The following CACNA1B variants were observed in gnomAD, a reference collection of about 807,000 sequenced individuals.
CACNA1B encodes the protein calcium voltage-gated channel subunit alpha1 B.
CACNA1B carries 70 observed loss-of-function variants against 247.2 expected under a neutral mutation model. That is an observed-to-expected ratio of 0.28 (90% CI 0.23 to 0.35). CACNA1B has a LOEUF of 0.35. CACNA1B is among the 10% of genes least tolerant of loss of function. The pLI, the probability that CACNA1B is intolerant of heterozygous loss-of-function variation, is 1.00. For synonymous variants in CACNA1B, 1,231 were observed against 1,294.4 expected (o/e 0.95, Z 1.05); for missense variants, 2,367 against 3,197.4 (o/e 0.74, Z 6.26).
Position 138,050,745 on chromosome 9 carries a change from C to T in CACNA1B, c.3711-1347C>T, listed in dbSNP as rs548571675. Among the ~76,000 whole-genome samples the T allele has an allele frequency of 2.0e-5, 3 of 152,246 alleles. No individual in the cohort carries two copies. The East Asian group carries it at 5.8e-4, about 29-fold the overall frequency. The stretch of plus-strand genomic sequence containing the variant: ...AAACAGTATCCCCTCCCTCCTGCTC[C>T]TGTCCCCTCTTCCCTCAGCTGGCGG... On this transcript the variant is annotated intron_variant, in intron 24 of 46. Transcript: ENST00000371372. This position sits in a 1 kb window ranked among gnomAD's most constrained non-coding sequence, Gnocchi z 5.2.
At chr9:138,042,751 C>T (rs553496284) in intron 20 of CACNA1B, among the ~76,000 whole-genome samples, 2 of 152,296 alleles carry the variant, frequency 1.3e-5, no homozygotes, top group African/African-American at 4.8e-5. Flanking sequence ...CTGTGGCCTT[C>T]GCTGTTTTCA....
chr9:138,022,890 C>T lies in CACNA1B; in HGVS notation c.2268-121C>T, dbSNP rs1320663789. ...GTCCCCCGAGGGGTGTGGGGGCTCC[C>T]GCGGCCACGCCTCCCACCTCCCTGC... On this transcript the variant is annotated intron_variant, in intron 18 of 46. Coordinates refer to ENST00000371372, the MANE Select transcript of CACNA1B (RefSeq NM_000718.4). 62 of 1,306,586 alleles carry T rather than the reference C, an allele frequency of 4.7e-5. No homozygotes were observed. The East Asian group carries it at 1.9e-3, about 39-fold the overall frequency. 80.9% of individuals were successfully genotyped at this position (1,306,586 alleles called of 1,614,324 possible).
At position 138,059,263 on chromosome 9, in the gene CACNA1B, G is replaced by A. The variant is rs1959628741; in HGVS notation, c.4584+74G>A. On this transcript the variant is annotated intron_variant, in intron 30 of 46. Transcript: ENST00000371372. The surrounding 1 kb of genome is among the most constrained non-coding windows in gnomAD (Gnocchi z 4.2). ...TCCCCATCTGTAGGGCGACCTTTGGGGGCTCACAATTTGGAGCTGGGAATT... is the reference window on the plus strand; with the variant it reads ...TCCCCATCTGTAGGGCGACCTTTGGAGGCTCACAATTTGGAGCTGGGAATT... 3.6e-6 allele frequency: 3 copies of A among 824,888 alleles called. No individual in the cohort carries two copies. The highest frequency in any genetic ancestry group is 2.9e-5 in the South Asian group (2 of 68,228). 51.1% of individuals were successfully genotyped at this position (824,888 alleles called of 1,614,324 possible). A position where few individuals can be genotyped will look rare whatever the true frequency, so the allele number is the denominator to read the frequency against.
chr9:138,118,359 G>A (rs1456670140), intron 43 of CACNA1B, among the ~76,000 whole-genome samples: 1 of 84,704 alleles, frequency 1.2e-5, no homozygotes, highest in Admixed American at 1.3e-4. Flanking sequence ...GGTGGGGGAC[G>A]TGTGAGACTG....
At chr9:137,926,194 C>T (rs977215856) in intron 6 of CACNA1B, among the ~76,000 whole-genome samples, 7 of 151,330 alleles carry the variant, frequency 4.6e-5, no homozygotes, top group South Asian at 2.1e-4. Flanking sequence ...CTCAGCCTCC[C>T]GAGTAGCTGG....
chr9:138,083,669 A>G (rs1589118554), intron 36 of CACNA1B, among the ~76,000 whole-genome samples: 1 of 148,514 alleles, frequency 6.7e-6, no homozygotes, highest in Admixed American at 6.7e-5. Context: ...TAAATAGAGC[A>G]TTGGCTCAGC....
chr9:138,043,344 A>G (rs1959150857), intron 20 of CACNA1B, among the ~76,000 whole-genome samples: 1 of 152,202 alleles, frequency 6.6e-6, no homozygotes, highest in Non-Finnish European at 1.5e-5. Context: ...AGACTGGACA[A>G]CGAGGTACAG....
At chr9:137,963,599 A>G (rs1373158442) in intron 10 of CACNA1B, among the ~76,000 whole-genome samples, 2 of 152,136 alleles carry the variant, frequency 1.3e-5, no homozygotes, top group Non-Finnish European at 2.9e-5. Context: ...AGGTTTCACC[A>G]TGTTGGTCAG....
intron 36 of CACNA1B, among the ~76,000 whole-genome samples, chr9:138,087,986 G>A (rs546417614): frequency 2.4e-4 from 37 of 151,996 alleles, no homozygotes; most frequent in South Asian, 1.0e-3. Context: ...AAACCAGGCC[G>A]AAAATTAGTA....
chr9:137,889,367 C>T (rs866790550), intron 3 of CACNA1B, among the ~76,000 whole-genome samples: 34 of 149,964 alleles, frequency 2.3e-4, no homozygotes, highest in African/African-American at 7.7e-4. Flanking sequence ...TGGAAATGGC[C>T]TTTGTAGGCC....
intron 20 of CACNA1B, among the ~76,000 whole-genome samples, chr9:138,035,716 C>T (rs1383515389): frequency 6.6e-6 from 1 of 152,006 alleles, no homozygotes; most frequent in Non-Finnish European, 1.5e-5. Context: ...TTCTGTTTCA[C>T]CAGTTTCTGT....
At position 138,052,380 on chromosome 9, in the gene CACNA1B, G is replaced by C. The variant is rs1158265026; in HGVS notation, c.3807+192G>C. On this transcript the variant is annotated intron_variant, in intron 25 of 46. Transcript: ENST00000371372. This position sits in a 1 kb window ranked among gnomAD's most constrained non-coding sequence, Gnocchi z 5.1. ...TAGACCTTGTTCCCAGCAGCCTCCTGTGAGAATCCTCCTCCTTAGCCCAGC... is the reference window on the plus strand; with the variant it reads ...TAGACCTTGTTCCCAGCAGCCTCCTCTGAGAATCCTCCTCCTTAGCCCAGC... Among the ~76,000 whole-genome samples, 1 of 152,170 alleles carries C rather than the reference G, an allele frequency of 6.6e-6. No homozygotes were observed. Among genetic ancestry groups the C allele is most frequent in the African/African-American group, 2.4e-5 (1 of 41,444 alleles).
intron 15 of CACNA1B, among the ~76,000 whole-genome samples, chr9:137,995,897 A>C (rs1165663225): frequency 2.0e-5 from 3 of 152,254 alleles, no homozygotes; most frequent in Non-Finnish European, 4.4e-5. Flanking sequence ...GAAGATATAC[A>C]AAAGCATATG....
intron 3 of CACNA1B, among the ~76,000 whole-genome samples, chr9:137,893,550 C>G (rs1413725162): frequency 6.6e-6 from 1 of 151,434 alleles, no homozygotes; most frequent in Non-Finnish European, 1.5e-5. Context: ...ACTCAGGGGG[C>G]TGAGGCAGGA....
At chr9:137,878,535 C>G (rs998321057) in intron 1 of CACNA1B, among the ~76,000 whole-genome samples, 1 of 152,158 alleles carries the variant, frequency 6.6e-6, no homozygotes, top group Non-Finnish European at 1.5e-5. Flanking sequence ...CAGGTGCGAG[C>G]GCTGTGGGGA....
Position 138,072,807 on chromosome 9 carries a change from G to A in CACNA1B, c.4675-681G>A, listed in dbSNP as rs1320834584. Among the ~76,000 whole-genome samples the A allele has an allele frequency of 6.6e-6, 1 of 152,256 alleles. No homozygotes were observed. The highest frequency in any genetic ancestry group is 1.5e-5 in the Non-Finnish European group (1 of 68,040). ...GTGCTTGATTTTGAGCCCCTTGGATGAGGGAGCTCCACTAGACAGCCTGGG... is the reference window on the plus strand; with the variant it reads ...GTGCTTGATTTTGAGCCCCTTGGATAAGGGAGCTCCACTAGACAGCCTGGG... On this transcript the variant is annotated intron_variant, in intron 32 of 46. Coordinates refer to ENST00000371372, the MANE Select transcript of CACNA1B (RefSeq NM_000718.4). This position sits in a 1 kb window ranked among gnomAD's most constrained non-coding sequence, Gnocchi z 4.5.
intron 36 of CACNA1B, among the ~76,000 whole-genome samples, chr9:138,084,790 A>C (rs1960639258): frequency 1.3e-5 from 2 of 150,966 alleles, no homozygotes; most frequent in African/African-American, 4.9e-5. Flanking sequence ...TCTCTACTAA[A>C]AATACAAAAA....
In CACNA1B at chr9:138,040,415, G is replaced by C. The variant is rs78283794; in HGVS notation, c.3287-3359G>C. On this transcript the variant is annotated intron_variant, in intron 20 of 46. Transcript: ENST00000371372. ...TGATCTTAATCCTTTGTATTAGTCA[G>C]GGTTCTCTTAGAGAGACAGAACTAA... The C allele has an allele frequency of 1.9e-3, 300 of 154,550 alleles. 5 individuals are homozygous for C. The East Asian group carries it at 0.047, about 24-fold the overall frequency. 9.6% of individuals were successfully genotyped at this position (154,550 alleles called of 1,614,324 possible). A position where few individuals can be genotyped will look rare whatever the true frequency, so the allele number is the denominator to read the frequency against.
intron 15 of CACNA1B, among the ~76,000 whole-genome samples, chr9:138,002,033 G>T (rs1281710920): frequency 6.6e-6 from 1 of 152,142 alleles, no homozygotes; most frequent in Non-Finnish European, 1.5e-5. Flanking sequence ...ACTGTTCTTG[G>T]AATTCAGCAT....
Sources: allele counts gnomAD v4.1 joint callset (sites outside exome capture counted in the v4.1 genomes callset), GRCh38; gene constraint gnomAD v4.1.1; non-coding constraint Gnocchi (gnomAD v3.1); transcripts MANE v1.5; gene names NCBI Gene and HGNC (gene_info 2026-07-23, HGNC 2026-07-21).